PTPRD: variants seen among roughly 807,000 people sequenced by gnomAD.
The protein encoded by PTPRD is receptor-type tyrosine-protein phosphatase delta.
Under a neutral mutation model 214.5 loss-of-function variants are expected in PTPRD, and 34 were observed. That is an observed-to-expected ratio of 0.16 (90% CI 0.12 to 0.21). PTPRD has a LOEUF of 0.21. Among genes scored for constraint, PTPRD ranks in the 10% least tolerant of loss-of-function variants. The pLI is 1.00. For synonymous variants in PTPRD, 1,128 were observed against 845.7 expected, an observed-to-expected ratio of 1.33 and a Z score of -5.79; for missense variants, 2,545 against 2,398.7, an observed-to-expected ratio of 1.06 and a Z score of -1.27.
chr9:8,485,772 A>G lies in PTPRD; in HGVS notation c.3045T>C (p.Pro1015=), dbSNP rs373838947. The G allele has an allele frequency of 2.2e-5, 36 of 1,610,520 alleles. No homozygotes were observed. Among genetic ancestry groups the G allele is most frequent in the Non-Finnish European group, 3.1e-5 (36 of 1,178,348 alleles). ...YSPSVQFRTL[P]VDQVFAKNFH... ...GCAGACAAATCCTACCTTGATCCAC[A>G]GGCAGTGTCCTGAACTGGACACTGG... Residue 1015 remains proline, a synonymous_variant, in exon 28 of 46, where the codon CCT becomes CCC. Coordinates refer to ENST00000381196, the MANE Select transcript of PTPRD (RefSeq NM_002839.4).
At chr9:9,242,363 C>G (rs1569565475) in intron 9 of PTPRD, among the ~76,000 whole-genome samples, 1 of 152,070 alleles carries the variant, frequency 6.6e-6, no homozygotes, top group Non-Finnish European at 1.5e-5. Context: ...GTGGCATTCT[C>G]TGTATTTCCT....
At chr9:9,434,251 A>T (rs2084313459) in intron 8 of PTPRD, among the ~76,000 whole-genome samples, 1 of 152,168 alleles carries the variant, frequency 6.6e-6, no homozygotes, top group African/African-American at 2.4e-5. Flanking sequence ...GAATAAAAAC[A>T]ATCTTAACCT....
chr9:10,102,575 T>C (rs926230681), intron 3 of PTPRD, among the ~76,000 whole-genome samples: 16 of 151,526 alleles, frequency 1.1e-4, no homozygotes, highest in African/African-American at 3.9e-4. Context: ...ATAAATAAAA[T>C]AGTAAAACAT....
intron 3 of PTPRD, among the ~76,000 whole-genome samples, chr9:10,287,667 A>G (rs533574778): frequency 1.3e-5 from 2 of 152,118 alleles, no homozygotes; most frequent in Non-Finnish European, 2.9e-5. Flanking sequence ...TCTACTGGGC[A>G]GGATTTTCTT....
At chr9:9,196,131 T>C (rs1466825736) in intron 9 of PTPRD, among the ~76,000 whole-genome samples, 1 of 152,136 alleles carries the variant, frequency 6.6e-6, no homozygotes, top group African/African-American at 2.4e-5. Flanking sequence ...ATATGAAAGA[T>C]AAGAGAATTA....
intron 5 of PTPRD, among the ~76,000 whole-genome samples, chr9:9,778,702 A>T (rs552857029): frequency 2.3e-4 from 35 of 151,860 alleles, no homozygotes; most frequent in African/African-American, 8.2e-4. Flanking sequence ...ACGTTCATAC[A>T]CTCCTGGTGA....
intron 7 of PTPRD, among the ~76,000 whole-genome samples, chr9:9,624,744 G>A (rs1461507160): frequency 6.6e-6 from 1 of 151,924 alleles, no homozygotes; most frequent in Non-Finnish European, 1.5e-5. Context: ...ATGCAGATCT[G>A]GGGAGTTTCC....
intron 9 of PTPRD, among the ~76,000 whole-genome samples, chr9:9,225,325 G>C (rs1478059903): frequency 6.6e-6 from 1 of 151,918 alleles, no homozygotes; most frequent in Non-Finnish European, 1.5e-5. Flanking sequence ...GAAATTACCT[G>C]AACAGTTTCA....
At chr9:8,380,394 A>G (rs2135180345) in intron 37 of PTPRD, among the ~76,000 whole-genome samples, 1 of 152,298 alleles carries the variant, frequency 6.6e-6, no homozygotes, top group South Asian at 2.1e-4. Flanking sequence ...CAGAGGTGGA[A>G]AAGAAGAACA....
At chr9:10,362,323 C>T (rs933507781) in intron 2 of PTPRD, among the ~76,000 whole-genome samples, 6 of 142,852 alleles carry the variant, frequency 4.2e-5, no homozygotes, top group South Asian at 2.2e-4. Flanking sequence ...CACAACAATC[C>T]TCTGACAGAG....
chr9:9,490,320 A>C (rs549939307), intron 8 of PTPRD, among the ~76,000 whole-genome samples: 4 of 152,220 alleles, frequency 2.6e-5, no homozygotes, highest in African/African-American at 9.6e-5. Flanking sequence ...TGAAGAAATA[A>C]AGATCTCAAT....
chr9:10,573,575 A>C (rs1353326039), intron 2 of PTPRD, among the ~76,000 whole-genome samples: 1 of 152,044 alleles, frequency 6.6e-6, no homozygotes, highest in Non-Finnish European at 1.5e-5. Context: ...CTCCTAGCAA[A>C]TTTTCAGGAG....
intron 14 of PTPRD, among the ~76,000 whole-genome samples, chr9:8,578,021 T>C (rs2092645383): frequency 6.6e-6 from 1 of 152,208 alleles, no homozygotes; most frequent in Non-Finnish European, 1.5e-5. Context: ...ACACATTTGT[T>C]GAATACAGAG....
At chr9:10,481,041 T>A (rs1566381568) in intron 2 of PTPRD, among the ~76,000 whole-genome samples, 1 of 152,082 alleles carries the variant, frequency 6.6e-6, no homozygotes, top group East Asian at 1.9e-4. Flanking sequence ...TGGTACTTTT[T>A]TTTTTTTAAA....
At chr9:8,621,081 G>A (rs1339274321) in intron 14 of PTPRD, among the ~76,000 whole-genome samples, 5 of 151,780 alleles carry the variant, frequency 3.3e-5, no homozygotes, top group East Asian at 1.9e-4. Context: ...AAGTCTTCCC[G>A]GGTCTTTGGA....
chr9:9,977,918 C>A (rs116354573), intron 4 of PTPRD, among the ~76,000 whole-genome samples: 1,501 of 120,526 alleles, frequency 0.012, 18 homozygotes, highest in African/African-American at 0.037. Context: ...ATATATTTAA[C>A]ATACCTTTCC....
chr9:9,674,607 A>G (rs2154392105), intron 7 of PTPRD, among the ~76,000 whole-genome samples: 1 of 151,900 alleles, frequency 6.6e-6, no homozygotes, highest in Non-Finnish European at 1.5e-5. Context: ...AAACTACAGG[A>G]CAGCAAAAAA....
intron 8 of PTPRD, among the ~76,000 whole-genome samples, chr9:9,467,588 C>CAAAAAAATAAAAAAAAAAAAAAAAAAAA (rs2094287717): frequency 1.8e-5 from 1 of 55,954 alleles, no homozygotes; most frequent in African/African-American, 6.6e-5. Context: ...CTCCATCTCC[C>CAAAAAAATAAAAAAAAAAAAAAAAAAAA]AAAAAAAAAA....
intron 2 of PTPRD, among the ~76,000 whole-genome samples, chr9:10,370,051 G>A (rs2097581353): frequency 6.6e-6 from 1 of 151,884 alleles, no homozygotes; most frequent in Admixed American, 6.6e-5. Flanking sequence ...GTTGAAACTG[G>A]GACAGAGAAA....
Sources: allele counts gnomAD v4.1 joint callset (sites outside exome capture counted in the v4.1 genomes callset), GRCh38; gene constraint gnomAD v4.1.1; transcripts MANE v1.5; gene names NCBI Gene and HGNC (gene_info 2026-07-23, HGNC 2026-07-21).